The following GLS variants were observed in gnomAD, a reference collection of about 807,000 sequenced individuals.
The protein encoded by GLS is glutaminase kidney isoform, mitochondrial.
Under a neutral mutation model 86.7 loss-of-function variants are expected in GLS, and 36 were observed. The ratio of observed to expected loss-of-function variants is 0.42; its 90% CI spans 0.32 to 0.55. The LOEUF is 0.55. GLS is among the 20% of genes least tolerant of loss of function. GLS has a pLI of 0.17. For missense variants in GLS, 528 were observed against 833.4 expected (o/e 0.63, Z 4.51); for synonymous variants, 317 against 305.9 (o/e 1.04, Z -0.38).
intron 1 of GLS, among the ~76,000 whole-genome samples, chr2:190,888,139 A>G (rs934193135): frequency 2.6e-5 from 4 of 152,164 alleles, no homozygotes; most frequent in Non-Finnish European, 4.4e-5. Context: ...AAGGAACCAC[A>G]TCTGTTAAGT....
At chr2:190,936,280 A>G (rs1224429733) in intron 14 of GLS, among the ~76,000 whole-genome samples, 1 of 151,174 alleles carries the variant, frequency 6.6e-6, no homozygotes, top group East Asian at 1.9e-4. Context: ...CTGCTGAAAT[A>G]TACTGATATG....
intron 14 of GLS, among the ~76,000 whole-genome samples, chr2:190,937,446 A>G (rs1690303718): frequency 6.6e-6 from 1 of 151,400 alleles, no homozygotes; most frequent in Non-Finnish European, 1.5e-5. Context: ...AACAGCGGGC[A>G]AAATGTGATG....
At chr2:190,936,893 G>T (rs1015848432) in intron 14 of GLS, among the ~76,000 whole-genome samples, 1 of 151,194 alleles carries the variant, frequency 6.6e-6, no homozygotes, top group African/African-American at 2.4e-5. Flanking sequence ...ACATGGCCTT[G>T]AAAATGCTAG....
At chr2:190,896,573 G>A (rs1220019219) in intron 3 of GLS, 1 of 152,098 alleles carries the variant, frequency 6.6e-6, no homozygotes, top group Non-Finnish European at 1.5e-5. Context: ...TCTTCTTTTG[G>A]GGGTTGGGTG....
At chr2:190,885,352 T>C (rs564493843) in intron 1 of GLS, among the ~76,000 whole-genome samples, 159 of 152,110 alleles carry the variant, frequency 1.0e-3, no homozygotes, top group Non-Finnish European at 2.0e-3. Context: ...CCACCATGCG[T>C]GGCTAATTTT....
intron 7 of GLS, among the ~76,000 whole-genome samples, chr2:190,918,438 G>T (rs1689617002): frequency 6.6e-6 from 1 of 152,084 alleles, no homozygotes; most frequent in Admixed American, 6.6e-5. Context: ...AGCCTTTATA[G>T]AATTGAAGAG....
chr2:190,957,766 C>T (rs1321881368), intron 17 of GLS, among the ~76,000 whole-genome samples: 1 of 152,244 alleles, frequency 6.6e-6, no homozygotes, highest in East Asian at 1.9e-4. Context: ...CCGACTTGAT[C>T]GTGGTGGATA....
Position 190,927,412 on chromosome 2 carries a change from C to G in GLS, c.1355C>G (p.Ala452Gly). ...ITGERVLSPE[A>G]VRNTLSLMHS... ...GGTGAAAGAGTACTGAGCCCTGAAG[C>G]AGTTCGAAATACATTGAGTTTGATG... Residue 452 changes from alanine to glycine, a missense_variant, in exon 12 of 18, where the codon GCA becomes GGA. Ala to Gly is a moderately conservative substitution (Grantham distance 60). Transcript: ENST00000320717. 6.2e-7 allele frequency: 1 copy of G among 1,613,848 alleles called. No individual in the cohort carries two copies. Among genetic ancestry groups the G allele is most frequent in the Non-Finnish European group, 8.5e-7 (1 of 1,179,798 alleles).
At position 190,947,594 on chromosome 2, in the gene GLS, G is replaced by A. The variant is rs573772592; in HGVS notation, c.1651-5971G>A. ...CCCTTAATTTAATAGCTATTATTGC[G>A]GCTGTGTATAGTCTGTTTCTTTATA... On this transcript the variant is annotated intron_variant, in intron 14 of 17. Coordinates refer to ENST00000320717, the MANE Select transcript of GLS (RefSeq NM_014905.5). This position sits in a 1 kb window ranked among gnomAD's most constrained non-coding sequence, Gnocchi z 5.0. Among the ~76,000 whole-genome samples the A allele has an allele frequency of 9.9e-5, 15 of 152,196 alleles. No homozygotes were observed. The South Asian group carries it at 2.5e-3, about 25-fold the overall frequency.
At chr2:190,932,863 A>AG (rs1190707903) in intron 14 of GLS, 1 of 1,506,814 alleles carries the variant, frequency 6.6e-7, no homozygotes, top group African/African-American at 1.4e-5. Context: ...GAAAAGCTAA[A>AG]GAAATGGGTT....
chr2:190,941,982 A>G (rs1366813882), intron 14 of GLS, among the ~76,000 whole-genome samples: 1 of 149,916 alleles, frequency 6.7e-6, no homozygotes, highest in African/African-American at 2.4e-5. Flanking sequence ...CTCAGGACAC[A>G]GTTTGGGAGA....
intron 3 of GLS, chr2:190,896,382 CAT>C (rs1233751221): frequency 1.3e-4 from 20 of 152,072 alleles, no homozygotes; most frequent in African/African-American, 3.6e-4. Context: ...ATTTAATGGA[CAT>C]GTGTGTAATG....
At position 190,910,293 on chromosome 2, in the gene GLS, G is replaced by A; in HGVS notation, c.1010G>A (p.Gly337Glu). 1 of 1,572,758 alleles carries A rather than the reference G, an allele frequency of 6.4e-7. No individual in the cohort carries two copies. The highest frequency in any genetic ancestry group is 8.7e-7 in the Non-Finnish European group (1 of 1,149,610). The change falls in exon 7 of 18, where the codon GGA becomes GAA. Residue 337 changes from glycine to glutamate, a missense_variant. Coordinates refer to ENST00000320717, the MANE Select transcript of GLS (RefSeq NM_014905.5). ...DKPHNPMVNA[G>E]AIVVTSLIKQ... ...CCACATAATCCTATGGTAAATGCTG[G>A]AGCAATTGTTGTGACTTCACTAATA...
intron 12 of GLS, among the ~76,000 whole-genome samples, chr2:190,928,215 A>T (rs1291689603): frequency 1.3e-5 from 2 of 152,104 alleles, no homozygotes; most frequent in Non-Finnish European, 2.9e-5. Flanking sequence ...CAGTTTTTAC[A>T]TATAAAAATT....
At position 190,914,120 on chromosome 2, in the gene GLS, T is replaced by C. The variant is rs1689446031; in HGVS notation, c.1038+3799T>C. Among the ~76,000 whole-genome samples, 1 of 152,218 alleles carries C rather than the reference T, an allele frequency of 6.6e-6. No individual in the cohort carries two copies. Among genetic ancestry groups the C allele is most frequent in the Non-Finnish European group, 1.5e-5 (1 of 68,040 alleles). Reference sequence around the variant, plus strand: ...CTCATTCTAGTGGTAGTTTCCAGTTTTTGTCATTTAAAGAAGTTCAATTTT... The same window carrying C: ...CTCATTCTAGTGGTAGTTTCCAGTTCTTGTCATTTAAAGAAGTTCAATTTT... On this transcript the variant is annotated intron_variant, in intron 7 of 17. Transcript: ENST00000320717. This position sits in a 1 kb window ranked among gnomAD's most constrained non-coding sequence, Gnocchi z 4.4.
chr2:190,959,064 G>A (rs1006851345), intron 17 of GLS, among the ~76,000 whole-genome samples: 18 of 152,122 alleles, frequency 1.2e-4, no homozygotes, highest in Admixed American at 1.1e-3. Context: ...GAGTCTCTTT[G>A]TAGGTCTCTA....
intron 14 of GLS, among the ~76,000 whole-genome samples, chr2:190,952,307 T>C (rs1022785829): frequency 2.0e-5 from 3 of 152,110 alleles, no homozygotes; most frequent in Non-Finnish European, 2.9e-5. Context: ...CAAATAGTAA[T>C]AGTAGTATTT....
chr2:190,889,374 T>C (rs1055692556), intron 1 of GLS, among the ~76,000 whole-genome samples: 1 of 152,172 alleles, frequency 6.6e-6, no homozygotes, highest in Non-Finnish European at 1.5e-5. Context: ...TTGTTATTCA[T>C]CTCTACCTGA....
At position 190,951,256 on chromosome 2, in the gene GLS, C is replaced by T. The variant is rs748474108; in HGVS notation, c.1651-2309C>T. ...AGAGGGTGGAGGGTGCTGGGGGGAT[C>T]TGAAGGAATCAGGGCTTAGGAAGCT... On this transcript the variant is annotated intron_variant, in intron 14 of 17. Transcript: ENST00000320717. This position sits in a 1 kb window ranked among gnomAD's most constrained non-coding sequence, Gnocchi z 4.2. Among the ~76,000 whole-genome samples, 1 of 152,004 alleles carries T rather than the reference C, an allele frequency of 6.6e-6. No individual in the cohort carries two copies. Among genetic ancestry groups the T allele is most frequent in the Non-Finnish European group, 1.5e-5 (1 of 68,012 alleles).
Sources: allele counts gnomAD v4.1 joint callset (sites outside exome capture counted in the v4.1 genomes callset), GRCh38; gene constraint gnomAD v4.1.1; non-coding constraint Gnocchi (gnomAD v3.1); transcripts MANE v1.5; gene names NCBI Gene and HGNC (gene_info 2026-07-23, HGNC 2026-07-21).